The following KCTD2 variants were observed in gnomAD, a reference collection of about 807,000 sequenced individuals.
KCTD2 encodes BTB/POZ domain-containing protein KCTD2.
A neutral mutation model predicts 27.9 loss-of-function variants in KCTD2; 18 were observed. The observed-to-expected ratio is 0.64, with a 90% CI of 0.45 to 0.96. The LOEUF is 0.96. KCTD2 is among the 40% of genes least tolerant of loss of function. The pLI, the probability that KCTD2 is intolerant of heterozygous loss-of-function variation, is 0.00. For synonymous variants in KCTD2, 175 were observed against 148.4 expected (o/e 1.18, Z -1.30); for missense variants, 280 against 348.0 (o/e 0.80, Z 1.56).
Position 75,062,204 on chromosome 17 carries a change from T to A in KCTD2, c.721T>A (p.Ser241Thr). Residue 241 changes from serine to threonine, a missense_variant, in exon 5 of 6, where the codon TCT becomes ACT. Coordinates refer to ENST00000322444, the MANE Select transcript of KCTD2 (RefSeq NM_015353.3). ...TGTTGTCTCCAGAGAACTAAATAATTCTACCAATGGCATCGTCATAGAGCC... is the reference window on the plus strand; with the variant it reads ...TGTTGTCTCCAGAGAACTAAATAATACTACCAATGGCATCGTCATAGAGCC... ...LCVVSRELNN[S>T]TNGIVIEPSE... 1 of 1,613,942 alleles carries A rather than the reference T, an allele frequency of 6.2e-7. No individual in the cohort carries two copies. The highest frequency in any genetic ancestry group is 1.1e-5 in the South Asian group (1 of 91,032).
chr17:75,060,375 C>A, intron 4 of KCTD2: 3 of 1,413,304 alleles, frequency 2.1e-6, no homozygotes, highest in Non-Finnish European at 2.9e-6. Flanking sequence ...ATTTCTATTT[C>A]ACATTCAAGT....
chr17:75,050,840 A>G (rs1351874217), intron 2 of KCTD2, among the ~76,000 whole-genome samples: 1 of 151,428 alleles, frequency 6.6e-6, no homozygotes, highest in East Asian at 1.9e-4. Flanking sequence ...GTATGGGGAG[A>G]TCTTTTTGTT....
chr17:75,044,709 TA>T (rs962873090), upstream of KCTD2, among the ~76,000 whole-genome samples: 105 of 151,430 alleles, frequency 6.9e-4, no homozygotes, highest in African/African-American at 2.4e-3. Flanking sequence ...TACAGCCACT[TA>T]AAAAAAAAGT....
At chr17:75,054,889 T>C (rs1027537161) in intron 3 of KCTD2, among the ~76,000 whole-genome samples, 1 of 151,934 alleles carries the variant, frequency 6.6e-6, no homozygotes, top group Non-Finnish European at 1.5e-5. Flanking sequence ...TTTAAGAAAC[T>C]GCAACTACAG....
chr17:75,057,505 G>A (rs2073361392), intron 3 of KCTD2, among the ~76,000 whole-genome samples: 1 of 151,612 alleles, frequency 6.6e-6, no homozygotes, highest in African/African-American at 2.4e-5. Context: ...ATGTAATATG[G>A]AAGGAAATCT....
exon 3 of KCTD2, chr17:75,035,256 C>G (rs953988737): frequency 6.6e-6 from 1 of 152,140 alleles, no homozygotes; most frequent in Non-Finnish European, 1.5e-5. Flanking sequence ...CCCAATCCCT[C>G]CACACCGCGG....
intron 5 of KCTD2, among the ~76,000 whole-genome samples, 181 bp downstream of exon 5, chr17:75,062,426 A>G (rs2073413458): frequency 6.6e-6 from 1 of 152,088 alleles, no homozygotes; most frequent in Admixed American, 6.6e-5. Flanking sequence ...GAGCACTGAC[A>G]GGTGTTTTTA....
chr17:75,045,934 GAAATTACAA>G (rs1451593922), upstream of KCTD2, among the ~76,000 whole-genome samples: 1 of 152,204 alleles, frequency 6.6e-6, no homozygotes, highest in Non-Finnish European at 1.5e-5. Context: ...ACAGGCATAA[GAAATTACAA>G]AAGTATTAAT....
chr17:75,052,899 A>G (rs558939854), intron 2 of KCTD2, 115 bp from the exon 3 acceptor site: 1 of 808,356 alleles, frequency 1.2e-6, no homozygotes, highest in Admixed American at 2.0e-5. Context: ...GTCTCAAAAA[A>G]TAAGTAAATA....
upstream of KCTD2, chr17:75,046,939 G>C (rs2073226930): frequency 6.2e-6 from 1 of 161,092 alleles, no homozygotes; most frequent in South Asian, 2.0e-4. Context: ...ACCGACCCTG[G>C]CTGCCCACGG....
At chr17:75,039,342 G>A (rs907662438) in intron 3 of KCTD2, 1 of 1,400,018 alleles carries the variant, frequency 7.1e-7, no homozygotes, top group African/African-American at 1.4e-5. Flanking sequence ...TAAGGTAGGA[G>A]TCGTCCCAGC....
chr17:75,062,427 G>A (rs577874357), intron 5 of KCTD2, among the ~76,000 whole-genome samples, 182 bp downstream of exon 5: 1 of 152,142 alleles, frequency 6.6e-6, no homozygotes, highest in East Asian at 1.9e-4. Context: ...AGCACTGACA[G>A]GTGTTTTTAG....
At chr17:75,046,496 C>T (rs1016595215), upstream of KCTD2, among the ~76,000 whole-genome samples, 1 of 152,224 alleles carries the variant, frequency 6.6e-6, no homozygotes, top group African/African-American at 2.4e-5. Context: ...ACTCTGCACC[C>T]GAGGAGCCCT....
At chr17:75,050,840 A>T (rs1351874217) in intron 2 of KCTD2, among the ~76,000 whole-genome samples, 1 of 151,428 alleles carries the variant, frequency 6.6e-6, no homozygotes, top group Non-Finnish European at 1.5e-5. Flanking sequence ...GTATGGGGAG[A>T]TCTTTTTGTT....
chr17:75,040,146 A>G, intron 3 of KCTD2: 1 of 1,611,716 alleles, frequency 6.2e-7, no homozygotes, highest in Non-Finnish European at 8.5e-7. Context: ...CTGGCACGGG[A>G]ACCTTCAGCG....
At chr17:75,045,641 C>T (rs989615847), upstream of KCTD2, among the ~76,000 whole-genome samples, 1 of 150,824 alleles carries the variant, frequency 6.6e-6, no homozygotes, top group Non-Finnish European at 1.5e-5. Context: ...CTGCCCGGCT[C>T]ACCGGCGGTC....
At chr17:75,045,768 C>T (rs1488345258), upstream of KCTD2, among the ~76,000 whole-genome samples, 1 of 152,122 alleles carries the variant, frequency 6.6e-6, no homozygotes, top group Non-Finnish European at 1.5e-5. Context: ...GTAGTTAACA[C>T]AATTATTACA....
In KCTD2 at chr17:75,049,315, G is replaced by A. The variant is rs759681150; in HGVS notation, c.435G>A (p.Glu145=). ...ACGGGAAACTCATCATCACTAAGGA[G>A]TTGGCAGAAGAAGGTAAGCGCACTG... The part of the protein sequence containing the change: ...LRHGKLIITK[E]LAEEGVLEEA... Residue 145 remains glutamate (E), a synonymous_variant, in exon 2 of 6, where the codon GAG becomes GAA. Transcript: ENST00000322444. 1.9e-6 allele frequency: 3 copies of A among 1,605,844 alleles called. No homozygotes were observed.
chr17:75,061,871 G>T (rs776697079), intron 4 of KCTD2, among the ~76,000 whole-genome samples: 15 of 152,008 alleles, frequency 9.9e-5, no homozygotes, highest in South Asian at 2.1e-4. Context: ...GACGGGGGGG[G>T]ACTTCAGAGC....
Sources: allele counts gnomAD v4.1 joint callset (sites outside exome capture counted in the v4.1 genomes callset), GRCh38; gene constraint gnomAD v4.1.1; transcripts MANE v1.5; gene names NCBI Gene and HGNC (gene_info 2026-07-23, HGNC 2026-07-21).